The following SLF1 variants were observed in gnomAD, a reference collection of about 807,000 sequenced individuals.
The protein encoded by SLF1 is SMC5-SMC6 complex localization factor protein 1.
A neutral mutation model predicts 123.0 loss-of-function variants in SLF1; 105 were observed. The observed-to-expected ratio is 0.85, with a 90% CI of 0.73 to 1.00. The LOEUF is 1.00. Among genes scored for constraint, SLF1 ranks in the 50% least tolerant of loss-of-function variants. SLF1 has a pLI of 0.00. For synonymous variants in SLF1, 434 were observed against 406.6 expected (o/e 1.07, Z -0.81); for missense variants, 1,239 against 1,223.0 (o/e 1.01, Z -0.20).
At chr5:94,678,756 G>T in intron 14 of SLF1, 52 bp from the exon 15 acceptor site, 1 of 1,471,346 alleles carries the variant, frequency 6.8e-7, no homozygotes, top group South Asian at 1.2e-5. Context: ...AATACTAACA[G>T]AAATTCAATA....
intron 12 of SLF1, among the ~76,000 whole-genome samples, chr5:94,668,392 G>A (rs1750062054): frequency 1.3e-5 from 2 of 151,832 alleles, no homozygotes; most frequent in South Asian, 4.2e-4. Context: ...GGAGTGCAGT[G>A]GTGCGATCTC....
chr5:94,688,754 G>C, intron 17 of SLF1, 85 bp downstream of exon 17: 1 of 1,452,056 alleles, frequency 6.9e-7, no homozygotes, highest in Non-Finnish European at 9.5e-7. Context: ...ATGGTTATCT[G>C]TGATACTGTC....
intron 4 of SLF1, among the ~76,000 whole-genome samples, chr5:94,639,037 CT>C (rs764031689): frequency 0.14 from 11,990 of 88,386 alleles, 176 homozygotes; most frequent in African/African-American, 0.18. Flanking sequence ...CTTTTCTTCC[CT>C]TTTTTTTTTT....
At chr5:94,686,512 C>T in intron 15 of SLF1, 61 bp from the exon 16 acceptor site, 1 of 1,553,378 alleles carries the variant, frequency 6.4e-7, no homozygotes, top group Non-Finnish European at 8.8e-7. Flanking sequence ...AGGAAATAGC[C>T]TATGGAAAAA....
chr5:94,688,924 AT>A (rs1466572621), intron 17 of SLF1, among the ~76,000 whole-genome samples: 1 of 152,146 alleles, frequency 6.6e-6, no homozygotes, highest in African/African-American at 2.4e-5. Flanking sequence ...GTTCCACACA[AT>A]TTTTGCCCTA....
chr5:94,676,888 C>T (rs1321728734), intron 14 of SLF1, among the ~76,000 whole-genome samples: 3 of 152,074 alleles, frequency 2.0e-5, no homozygotes, highest in Non-Finnish European at 4.4e-5. Context: ...AATGATATCC[C>T]AATGAAATAT....
rs549441859 is a variant in SLF1 at position 94,646,041 on chromosome 5, A to T, written c.594+2606A>T. On this transcript the variant is annotated intron_variant, in intron 5 of 20. Transcript: ENST00000265140. ...TGAGGCAGGAGGATCACTTGAGGCTAGGAGTTTGAGACCAGCCTAAGCAAC... is the reference window on the plus strand; with the variant it reads ...TGAGGCAGGAGGATCACTTGAGGCTTGGAGTTTGAGACCAGCCTAAGCAAC... 2.6e-5 allele frequency among the ~76,000 whole-genome samples: 4 copies of T among 152,298 alleles called. No homozygotes were observed. The South Asian group carries it at 6.2e-4, about 24-fold the overall frequency.
chr5:94,663,357 T>C (rs1467222563), intron 10 of SLF1, among the ~76,000 whole-genome samples: 2 of 152,202 alleles, frequency 1.3e-5, no homozygotes, highest in East Asian at 3.9e-4. Flanking sequence ...TAAAATTTGT[T>C]ACTAGGCTGG....
chr5:94,695,325 G>T lies in SLF1; in HGVS notation c.*13G>T. 6.3e-7 allele frequency: 1 copy of T among 1,589,840 alleles called. No individual in the cohort carries two copies. Among genetic ancestry groups the T allele is most frequent in the Non-Finnish European group, 8.6e-7 (1 of 1,167,130 alleles). On this transcript the variant is annotated 3_prime_UTR_variant, in exon 21 of 21. Transcript: ENST00000265140. ...GGAGTTTTCATGATGATGCTAGAAA[G>T]TATGGATTGACTTTCTAAATCTGTT...
rs146493761 is a variant in SLF1, at chr5:94,649,476, A to G, written c.617A>G (p.Asp206Gly). ...LLEKEIQNDEDSQTNSVWTEH... is the reference protein window; with the variant it reads ...LLEKEIQNDEGSQTNSVWTEH... ...CAGAAAGAAATTCAGAATGATGAAGATTCCCAAACCAATTCTGTTTGGACT... is the reference window on the plus strand; with the variant it reads ...CAGAAAGAAATTCAGAATGATGAAGGTTCCCAAACCAATTCTGTTTGGACT... Residue 206 changes from aspartate (D) to glycine (G), a missense_variant, in exon 6 of 21, where the codon GAT (aspartate) becomes GGT (glycine). Coordinates refer to ENST00000265140, the MANE Select transcript of SLF1 (RefSeq NM_032290.4). 128 of 1,500,140 alleles carry G rather than the reference A, an allele frequency of 8.5e-5. 1 individual carries two copies. The East Asian group carries it at 2.8e-3, about 33-fold the overall frequency. The allele number at this position is 1,500,140 out of a possible 1,614,324, so 92.9% of individuals were successfully genotyped here.
At chr5:94,685,549 C>T (rs1046879855) in intron 15 of SLF1, among the ~76,000 whole-genome samples, 1 of 152,104 alleles carries the variant, frequency 6.6e-6, no homozygotes, top group Non-Finnish European at 1.5e-5. Context: ...AAATAGATCA[C>T]ATGGGAAATA....
At position 94,673,334 on chromosome 5, in the gene SLF1, T is replaced by C. The variant is rs929523741; in HGVS notation, c.1827+2326T>C. 2.6e-5 allele frequency among the ~76,000 whole-genome samples: 4 copies of C among 152,212 alleles called. No individual in the cohort carries two copies. In the South Asian group the frequency reaches 6.2e-4, roughly 24 times the overall value. ...TGTTCTCTTTTTTTTCTGAAATGTT[T>C]TGCTTATTTTATTTAACATTTTTAG... On this transcript the variant is annotated intron_variant, in intron 14 of 20. Transcript: ENST00000265140.
chr5:94,619,871 T>A (rs1791530583), intron 1 of SLF1, among the ~76,000 whole-genome samples: 1 of 152,088 alleles, frequency 6.6e-6, no homozygotes, highest in African/African-American at 2.4e-5. Context: ...TTTCTTACCT[T>A]TCCTTCCTTC....
intron 17 of SLF1, 34 bp from the exon 18 acceptor site, chr5:94,689,439 A>AAT: frequency 1.3e-6 from 2 of 1,591,944 alleles, no homozygotes. Flanking sequence ...TTGCTGAAAA[A>AAT]CAAGCTTTCA....
At chr5:94,689,035 A>ACCC (rs1752764707) in intron 17 of SLF1, among the ~76,000 whole-genome samples, 1 of 46,720 alleles carries the variant, frequency 2.1e-5, no homozygotes, top group Admixed American at 2.0e-4. Context: ...CAAAATGAGA[A>ACCC]ACCTCTAAAA....
intron 9 of SLF1, among the ~76,000 whole-genome samples, chr5:94,660,217 T>A (rs1221880681): frequency 6.6e-6 from 1 of 152,104 alleles, no homozygotes; most frequent in Non-Finnish European, 1.5e-5. Context: ...TGTTCCTGGA[T>A]GACAAGTGCA....
intron 14 of SLF1, among the ~76,000 whole-genome samples, chr5:94,673,091 T>C (rs746948736): frequency 6.6e-6 from 1 of 152,118 alleles, no homozygotes; most frequent in Non-Finnish European, 1.5e-5. Context: ...ACTCTTACCA[T>C]GAGGATGAAG....
intron 6 of SLF1, among the ~76,000 whole-genome samples, chr5:94,649,848 T>A (rs1013354321): frequency 6.6e-6 from 1 of 152,184 alleles, no homozygotes; most frequent in South Asian, 2.1e-4. Context: ...CACATGGTAA[T>A]TACTTATGTA....
At chr5:94,693,569 C>G (rs1385190953) in intron 20 of SLF1, among the ~76,000 whole-genome samples, 2 of 151,972 alleles carry the variant, frequency 1.3e-5, no homozygotes, top group Non-Finnish European at 2.9e-5. Context: ...GGCAGTCGTA[C>G]AGACTTGTTT....
Sources: allele counts gnomAD v4.1 joint callset (sites outside exome capture counted in the v4.1 genomes callset), GRCh38; gene constraint gnomAD v4.1.1; transcripts MANE v1.5; gene names NCBI Gene and HGNC (gene_info 2026-07-23, HGNC 2026-07-21).